DHX9: variants seen among roughly 807,000 people sequenced by gnomAD.
The protein encoded by DHX9 is DExH-box helicase 9.
A neutral mutation model predicts 148.7 loss-of-function variants in DHX9; 27 were observed. The observed-to-expected ratio is 0.18, with a 90% confidence interval of 0.13 to 0.25. DHX9 has a LOEUF of 0.25. DHX9 is among the 10% of genes least tolerant of loss of function. The pLI is 1.00. For missense variants in DHX9, 796 were observed against 1,559.6 expected, an observed-to-expected ratio of 0.51 and a Z score of 8.25; for synonymous variants, 529 against 516.6, an observed-to-expected ratio of 1.02 and a Z score of -0.33.
Position 182,853,919 on chromosome 1 carries a change from A to C in DHX9, c.478-111A>C, listed in dbSNP as rs375881187. 9 of 984,028 alleles carry C rather than the reference A, an allele frequency of 9.1e-6. No homozygotes were observed. The African/African-American group carries it at 1.1e-4, about 12-fold the overall frequency. The allele number at this position is 984,028 out of a possible 1,614,324, so 61.0% of individuals were successfully genotyped here. On this transcript the variant is annotated intron_variant, in intron 5 of 27. Coordinates refer to ENST00000367549, the MANE Select transcript of DHX9 (RefSeq NM_001357.5). Reference sequence around the variant, plus strand: ...TTGACTAGGATTATAAACTATCAAAAACAGCTTTTGCATTATAAAGGATAG... The same window carrying C: ...TTGACTAGGATTATAAACTATCAAACACAGCTTTTGCATTATAAAGGATAG...
At chr1:182,846,808 A>G (rs1308369322) in intron 3 of DHX9, among the ~76,000 whole-genome samples, 1 of 152,036 alleles carries the variant, frequency 6.6e-6, no homozygotes, top group Non-Finnish European at 1.5e-5. Context: ...GCTATTATTT[A>G]AGATATTTTT....
chr1:182,857,006 G>A (rs755149629), intron 7 of DHX9, among the ~76,000 whole-genome samples: 2 of 152,096 alleles, frequency 1.3e-5, no homozygotes, highest in African/African-American at 4.8e-5. Context: ...CTGCCACCAA[G>A]CCCGGCTGAT....
chr1:182,860,977 G>C (rs1668352622), intron 12 of DHX9, among the ~76,000 whole-genome samples: 1 of 152,144 alleles, frequency 6.6e-6, no homozygotes, highest in Non-Finnish European at 1.5e-5. Context: ...TTCCCCGATG[G>C]GTTAATGTTG....
chr1:182,850,055 T>C (rs2102593234), intron 3 of DHX9, among the ~76,000 whole-genome samples: 1 of 150,688 alleles, frequency 6.6e-6, no homozygotes, highest in South Asian at 2.2e-4. Context: ...CATCAAAATT[T>C]TTCTGTCTTC....
chr1:182,870,207 G>A (rs1031681245), intron 14 of DHX9, among the ~76,000 whole-genome samples: 4 of 152,204 alleles, frequency 2.6e-5, no homozygotes, highest in African/African-American at 9.7e-5. Flanking sequence ...ATGTTTATAT[G>A]TAGAAGGATT....
intron 3 of DHX9, among the ~76,000 whole-genome samples, chr1:182,848,068 T>C (rs1158637546): frequency 6.6e-6 from 1 of 152,192 alleles, no homozygotes; most frequent in East Asian, 1.9e-4. Context: ...GTAGCTGTAC[T>C]TCTTCATAGG....
Position 182,878,168 on chromosome 1 carries a change from T to G in DHX9, c.2346T>G (p.Phe782Leu). 5 of 1,614,210 alleles carry G rather than the reference T, an allele frequency of 3.1e-6. No individual in the cohort carries two copies. Among genetic ancestry groups the G allele is most frequent in the Non-Finnish European group, 4.2e-6 (5 of 1,180,024 alleles). ...TTCACCTGTGCAGCCGAGCTCGTTT[T>G]GAGAGGTAAGACCCATTCTTGACCT... ...FCFHLCSRAR[F>L]ERLETHMTPE... Residue 782 changes from phenylalanine (F) to leucine (L), a missense_variant, in exon 20 of 28, where the codon TTT (phenylalanine) becomes TTG (leucine). Physicochemically the swap from Phe to Leu is conservative, Grantham distance 22. Transcript: ENST00000367549.
chr1:182,865,920 A>AAT (rs1557972890), intron 12 of DHX9, among the ~76,000 whole-genome samples: 1 of 148,870 alleles, frequency 6.7e-6, no homozygotes, highest in African/African-American at 2.6e-5. Flanking sequence ...TGGAAATAGC[A>AAT]ATACACACAG....
chr1:182,868,961 T>C (rs1198608498), intron 14 of DHX9, among the ~76,000 whole-genome samples: 1 of 152,226 alleles, frequency 6.6e-6, no homozygotes. Flanking sequence ...TTGGAAACTT[T>C]ATAGGTTTTT....
rs1386675734 is a variant in DHX9 at position 182,858,574 on chromosome 1, C to T, written c.834C>T (p.Leu278=). The T allele has an allele frequency of 6.2e-7, 1 of 1,610,824 alleles. No homozygotes were observed. Among genetic ancestry groups the T allele is most frequent in the East Asian group, 2.2e-5 (1 of 44,788 alleles). ...GETVEPYKVN[L]SQDLEHQLQN... is the part of the protein sequence containing the mutation. ...AGGTGGAGCCTTACAAAGTAAACCT[C>T]TCTCAAGATTTAGAGCATCAGCTGC... Residue 278 remains leucine (L), a synonymous_variant, in exon 9 of 28, where the codon CTC becomes CTT. Coordinates refer to ENST00000367549, the MANE Select transcript of DHX9 (RefSeq NM_001357.5).
At position 182,853,393 on chromosome 1, in the gene DHX9, G is replaced by A; in HGVS notation, c.452G>A (p.Arg151Lys). 6.2e-7 allele frequency: 1 copy of A among 1,614,048 alleles called. No individual in the cohort carries two copies. The highest frequency in any genetic ancestry group is 8.5e-7 in the Non-Finnish European group (1 of 1,179,970). Residue 151 changes from arginine (R) to lysine (K), a missense_variant, in exon 5 of 28, where the codon AGA (arginine) becomes AAA (lysine). Physicochemically the swap from Arg to Lys is conservative, Grantham distance 26 (BLOSUM62 2). Around this residue, in one of 14 missense-constraint regions of DHX9, gnomAD observed 46 missense variants for 136.3 expected, o/e 0.34. Transcript: ENST00000367549. ...GCCAACTTGAAGGATTACTACTCAA[G>A]AAAGGAAGAACAAGAAGTGCAAGCG... ...RGANLKDYYS[R>K]KEEQEVQATL...
rs59218081 is a variant in DHX9, at chr1:182,868,520, C to CTTTTTTTTTTTTTTTTTTTTTTTTTTTT, written c.1557+1491_1557+1492insTTTTTTTTTTTTTTTTTTTTTTTTTTTT. On this transcript the variant is annotated intron_variant, in intron 14 of 27. Transcript: ENST00000367549. Reference sequence around the variant, plus strand: ...GATAATCTAACACTTATTTTAATTCCTTTTTTTTTTTTTTGAGGAGTCTTG... The same window carrying CTTTTTTTTTTTTTTTTTTTTTTTTTTTT: ...GATAATCTAACACTTATTTTAATTCCTTTTTTTTTTTTTTTTTTTTTTTTTTTTTTTTTTTTTTTTTTGAGGAGTCTTG... Among the ~76,000 whole-genome samples the CTTTTTTTTTTTTTTTTTTTTTTTTTTTT allele has an allele frequency of 2.1e-4, 27 of 127,508 alleles. 2 individuals are homozygous for CTTTTTTTTTTTTTTTTTTTTTTTTTTTT. Among genetic ancestry groups the CTTTTTTTTTTTTTTTTTTTTTTTTTTTT allele is most frequent in the African/African-American group, 8.3e-4 (23 of 27,860 alleles). The allele number at this position is 127,508 out of a possible 152,430, so 83.7% of individuals were successfully genotyped here.
At chr1:182,859,641 C>T (rs1360850098) in intron 11 of DHX9, among the ~76,000 whole-genome samples, 1 of 152,026 alleles carries the variant, frequency 6.6e-6, no homozygotes. Context: ...GAGACAAAGT[C>T]TCGCTTAGTT....
intron 14 of DHX9, among the ~76,000 whole-genome samples, chr1:182,867,386 A>G (rs1478655721): frequency 1.3e-5 from 2 of 152,012 alleles, no homozygotes; most frequent in African/African-American, 4.8e-5. Flanking sequence ...GAAGTTTATG[A>G]TAGATTTTAT....
rs1162763522 is a variant in DHX9 at position 182,879,290 on chromosome 1, T to C, written c.2392T>C (p.Leu798=). ...HMTPEMFRTP[L]HEIALSIKLL... is the part of the protein sequence containing the mutation. ...GACACCAGAGATGTTCCGAACACCA[T>C]TGCATGAAATTGCTCTTAGCATAAA... The change falls in exon 21 of 28, where the codon TTG becomes CTG. Residue 798 remains leucine, a synonymous_variant. Coordinates refer to ENST00000367549, the MANE Select transcript of DHX9 (RefSeq NM_001357.5). The C allele has an allele frequency of 2.6e-6, 4 of 1,538,308 alleles. No individual in the cohort carries two copies. The highest frequency in any genetic ancestry group is 2.3e-5 in the East Asian group (1 of 43,510).
At chr1:182,878,410 A>ACT (rs370665928) in intron 20 of DHX9, among the ~76,000 whole-genome samples, 4 of 152,228 alleles carry the variant, frequency 2.6e-5, no homozygotes, top group African/African-American at 9.6e-5. Flanking sequence ...ATTGTATAAC[A>ACT]CTAAGTGGTT....
chr1:182,884,720 A>G lies in DHX9; in HGVS notation c.3368A>G (p.Gln1123Arg). Residue 1123 changes from glutamine to arginine, a missense_variant, in exon 27 of 28, where the codon CAG becomes CGG. Physicochemically the swap from Gln to Arg is conservative, Grantham distance 43. This residue lies in a region of DHX9 where 86 missense variants were observed against 156.3 expected (regional missense o/e 0.55). Transcript: ENST00000367549. ...ACCAAACAACCTGCTATCATCAGCC[A>G]GTTGGACCCCGTAAATGAACGTATG... ...EVTKQPAIIS[Q>R]LDPVNERMLN... 6.2e-7 allele frequency: 1 copy of G among 1,614,174 alleles called. No homozygotes were observed. The highest frequency in any genetic ancestry group is 1.7e-5 in the Admixed American group (1 of 60,004).
chr1:182,883,505 T>C lies in DHX9; in HGVS notation c.3145-15T>C. 1 of 1,610,066 alleles carries C rather than the reference T, an allele frequency of 6.2e-7. No homozygotes were observed. The highest frequency in any genetic ancestry group is 8.5e-7 in the Non-Finnish European group (1 of 1,176,426). ...AATGTCAACCATTTTGTATTGTCTC[T>C]TTCTCCATTTGCAGATTCGAACTCG... On this transcript the variant is annotated splice_polypyrimidine_tract_variant and intron_variant, in intron 25 of 27. Transcript: ENST00000367549.
At chr1:182,852,102 C>T (rs1274994194) in intron 3 of DHX9, 131 bp from the exon 4 acceptor site, 2 of 579,364 alleles carry the variant, frequency 3.5e-6, no homozygotes, top group Non-Finnish European at 3.0e-6. Context: ...AGAGACTTAA[C>T]CTCTAAACAA....
Sources: allele counts gnomAD v4.1 joint callset (sites outside exome capture counted in the v4.1 genomes callset), GRCh38; gene constraint gnomAD v4.1.1; regional missense constraint gnomAD v4.1.1; transcripts MANE v1.5; gene names NCBI Gene and HGNC (gene_info 2026-07-23, HGNC 2026-07-21).